The following PPP1R9A variants were observed in gnomAD, a reference collection of about 807,000 sequenced individuals.
PPP1R9A encodes the protein protein phosphatase 1 regulatory subunit 9A, also known as neurabin-1.
PPP1R9A carries 59 observed loss-of-function variants against 141.9 expected under a neutral mutation model. That is an observed-to-expected ratio of 0.42 (90% confidence interval 0.34 to 0.52). The LOEUF is 0.52. PPP1R9A is among the 20% of genes least tolerant of loss of function. The pLI, the probability that PPP1R9A is intolerant of heterozygous loss-of-function variation, is 0.10. For missense variants in PPP1R9A, 1,444 were observed against 1,611.9 expected (o/e 0.90, Z 1.78); for synonymous variants, 500 against 569.7 (o/e 0.88, Z 1.74).
Position 95,225,849 on chromosome 7 carries a change from C to T in PPP1R9A, c.1957-112C>T, listed in dbSNP as rs1585343896. On this transcript the variant is annotated intron_variant, in intron 7 of 19. Coordinates refer to ENST00000433360, the MANE Select transcript of PPP1R9A (RefSeq NM_001166160.2). ...CATGCTTGGCTGAAAAACCTACTTA[C>T]ACTTTTACCATTTGGGTACATGTCT... The T allele has an allele frequency of 2.6e-6, 3 of 1,154,814 alleles. No individual in the cohort carries two copies. The South Asian group carries it at 5.3e-5, about 20-fold the overall frequency. 71.5% of individuals were successfully genotyped at this position (1,154,814 alleles called of 1,614,324 possible).
chr7:95,078,946 A>G (rs1815322084), intron 2 of PPP1R9A, among the ~76,000 whole-genome samples: 1 of 151,940 alleles, frequency 6.6e-6, no homozygotes, highest in Non-Finnish European at 1.5e-5. Context: ...GTTCACTCTG[A>G]TGGTAGTTTC....
At chr7:95,266,078 T>G (rs1203484571) in intron 12 of PPP1R9A, among the ~76,000 whole-genome samples, 1 of 152,150 alleles carries the variant, frequency 6.6e-6, no homozygotes, top group African/African-American at 2.4e-5. Context: ...TAAGTAGTTC[T>G]GATTTTCTCT....
At chr7:95,006,751 G>A (rs1803660486) in intron 2 of PPP1R9A, among the ~76,000 whole-genome samples, 1 of 152,060 alleles carries the variant, frequency 6.6e-6, no homozygotes, top group South Asian at 2.1e-4. Context: ...TTCTGATATG[G>A]TCTCCTGGAG....
At chr7:95,105,533 A>G (rs1461558722) in intron 2 of PPP1R9A, among the ~76,000 whole-genome samples, 1 of 152,234 alleles carries the variant, frequency 6.6e-6, no homozygotes, top group Non-Finnish European at 1.5e-5. Context: ...TCAGTGAAAT[A>G]AAACAGGAAC....
intron 10 of PPP1R9A, among the ~76,000 whole-genome samples, chr7:95,250,894 C>T (rs1004614010): frequency 4.6e-5 from 7 of 151,990 alleles, no homozygotes; most frequent in East Asian, 1.9e-4. Context: ...TGTAATGTCA[C>T]GGAGACTGAC....
intron 2 of PPP1R9A, among the ~76,000 whole-genome samples, chr7:94,963,694 AC>A (rs1326246716): frequency 5.3e-5 from 8 of 152,130 alleles, no homozygotes; most frequent in Admixed American, 5.2e-4. Flanking sequence ...AATGCGTGGG[AC>A]CAGAATGTTT....
At chr7:94,924,349 T>C (rs1458846558) in intron 2 of PPP1R9A, among the ~76,000 whole-genome samples, 1 of 152,194 alleles carries the variant, frequency 6.6e-6, no homozygotes, top group East Asian at 1.9e-4. Flanking sequence ...GCTGGCTCCT[T>C]CTCTGTATAA....
rs1830447746 is a variant in PPP1R9A, at chr7:95,161,416, A to G, written c.1650-451A>G. ...TGTTTGACTAAGATCTGGGGCTTCT[A>G]TAGTCATCCCTGGGAATCCACAGGT... On this transcript the variant is annotated intron_variant, in intron 4 of 19. Coordinates refer to ENST00000433360, the MANE Select transcript of PPP1R9A (RefSeq NM_001166160.2). 3.3e-5 allele frequency among the ~76,000 whole-genome samples: 5 copies of G among 152,180 alleles called. No individual in the cohort carries two copies. The South Asian group carries it at 1.0e-3, about 32-fold the overall frequency.
intron 12 of PPP1R9A, among the ~76,000 whole-genome samples, chr7:95,253,566 A>G (rs1391478682): frequency 1.3e-5 from 2 of 152,184 alleles, no homozygotes; most frequent in African/African-American, 4.8e-5. Flanking sequence ...TAGCATTACG[A>G]CTAAGTGAGG....
chr7:95,200,440 T>TA (rs35010828), intron 6 of PPP1R9A, among the ~76,000 whole-genome samples: 41,888 of 146,926 alleles, frequency 0.29, 6,335 homozygotes, highest in South Asian at 0.44. Context: ...TCCTGCTAAT[T>TA]AAAAAAAAAA....
At chr7:95,208,315 T>C (rs2152899263) in intron 7 of PPP1R9A, among the ~76,000 whole-genome samples, 2 of 152,296 alleles carry the variant, frequency 1.3e-5, no homozygotes, top group South Asian at 4.1e-4. Flanking sequence ...TGAGCCCCCA[T>C]ATAATCCATA....
At chr7:94,927,614 A>C (rs1793647091) in intron 2 of PPP1R9A, among the ~76,000 whole-genome samples, 1 of 152,342 alleles carries the variant, frequency 6.6e-6, no homozygotes, top group East Asian at 1.9e-4. Context: ...CAAACATTGA[A>C]TATGTTTAAA....
intron 2 of PPP1R9A, among the ~76,000 whole-genome samples, chr7:95,023,347 C>T (rs563553708): frequency 2.5e-3 from 384 of 152,034 alleles, no homozygotes; most frequent in Non-Finnish European, 4.4e-3. Context: ...TTTTTAATTG[C>T]ATCTATTTGA....
rs1351417673 is a variant in PPP1R9A at position 94,911,273 on chromosome 7, C to T, written c.1160C>T (p.Ser387Leu). 6.2e-7 allele frequency: 1 copy of T among 1,614,116 alleles called. No homozygotes were observed. Among genetic ancestry groups the T allele is most frequent in the South Asian group, 1.1e-5 (1 of 91,070 alleles). The change falls in exon 2 of 20, where the codon TCA (serine) becomes TTA (leucine). Residue 387 changes from serine to leucine, a missense_variant. Coordinates refer to ENST00000433360, the MANE Select transcript of PPP1R9A (RefSeq NM_001166160.2). ...TGTGGAAAAGAAGTACCTGAAGATTCAAATAATTTTGATGGTTCCCATGTG... is the reference window on the plus strand; with the variant it reads ...TGTGGAAAAGAAGTACCTGAAGATTTAAATAATTTTGATGGTTCCCATGTG... ...SSCGKEVPED[S>L]NNFDGSHVYM...
intron 2 of PPP1R9A, chr7:95,036,760 G>C (rs538526219): frequency 1.3e-5 from 2 of 152,186 alleles, no homozygotes; most frequent in Non-Finnish European, 2.9e-5. Flanking sequence ...TTGCAGAAGC[G>C]AATTCTCATC....
chr7:95,157,673 A>T (rs1228247589), intron 4 of PPP1R9A, among the ~76,000 whole-genome samples: 2 of 152,240 alleles, frequency 1.3e-5, no homozygotes, highest in Admixed American at 1.3e-4. Flanking sequence ...GAATCAAATA[A>T]GTAAATTTCC....
intron 2 of PPP1R9A, among the ~76,000 whole-genome samples, chr7:95,082,246 A>T (rs1815972253): frequency 6.6e-6 from 1 of 152,188 alleles, no homozygotes. Flanking sequence ...GAAGCTGGGG[A>T]ATTAGATGTT....
chr7:95,282,391 T>C (rs977184164), intron 16 of PPP1R9A, among the ~76,000 whole-genome samples: 16 of 152,074 alleles, frequency 1.1e-4, no homozygotes, highest in South Asian at 4.1e-4. Flanking sequence ...TCCAGAGAGA[T>C]TGACCTCTGC....
At chr7:94,939,868 G>A (rs1377076220) in intron 2 of PPP1R9A, among the ~76,000 whole-genome samples, 2 of 150,588 alleles carry the variant, frequency 1.3e-5, no homozygotes, top group African/African-American at 4.9e-5. Flanking sequence ...AGATTGTATA[G>A]TGTTATGACC....
Sources: gnomAD v4.1 joint callset for allele counts (sites outside exome capture counted in the v4.1 genomes callset) on GRCh38, gnomAD v4.1.1 for gene constraint, MANE v1.5 for transcripts, NCBI Gene and HGNC (gene_info 2026-07-23, HGNC 2026-07-21) for gene names.